ATP13A5: variants seen among roughly 807,000 people sequenced by gnomAD.
The protein encoded by ATP13A5 is probable cation-transporting ATPase 13A5.
A neutral mutation model predicts 150.2 loss-of-function variants in ATP13A5; 149 were observed. The ratio of observed to expected loss-of-function variants is 0.99; its 90% CI spans 0.87 to 1.14. The LOEUF is 1.14. Among genes scored for constraint, ATP13A5 ranks in the 50% most tolerant of loss-of-function variants. The pLI is 0.00. For synonymous variants in ATP13A5, 497 were observed against 522.2 expected, an observed-to-expected ratio of 0.95 and a Z score of 0.66; for missense variants, 1,383 against 1,449.3, an observed-to-expected ratio of 0.95 and a Z score of 0.74.
chr3:193,374,641 A>ACACACACG (rs1491219620), intron 1 of ATP13A5, among the ~76,000 whole-genome samples: 20 of 36,224 alleles, frequency 5.5e-4, no homozygotes, highest in African/African-American at 4.1e-3. Context: ...TAAGACCATG[A>ACACACACG]CACACACACA....
intron 10 of ATP13A5, 77 bp from the exon 11 acceptor site, chr3:193,333,984 T>G: frequency 7.2e-7 from 1 of 1,388,366 alleles, no homozygotes. Context: ...TTACTGTCTT[T>G]GAGGAAAAGA....
chr3:193,369,462 A>G (rs1276563604), intron 1 of ATP13A5, among the ~76,000 whole-genome samples: 1 of 152,116 alleles, frequency 6.6e-6, no homozygotes, highest in East Asian at 1.9e-4. Context: ...GTCACACAGT[A>G]TATGTATTTA....
intron 28 of ATP13A5, among the ~76,000 whole-genome samples, chr3:193,277,368 G>T (rs1411131037): frequency 1.3e-5 from 2 of 152,026 alleles, no homozygotes; most frequent in Admixed American, 6.6e-5. Context: ...AAATTTAAGG[G>T]TACACATTAA....
At chr3:193,276,016 C>T (rs1482825508) in intron 29 of ATP13A5, among the ~76,000 whole-genome samples, 3 of 152,092 alleles carry the variant, frequency 2.0e-5, no homozygotes, top group African/African-American at 7.2e-5. Context: ...TAATATTTTG[C>T]CACTGTAGAT....
intron 25 of ATP13A5, among the ~76,000 whole-genome samples, chr3:193,290,739 G>T (rs114048065): frequency 6.6e-6 from 1 of 152,056 alleles, no homozygotes; most frequent in African/African-American, 2.4e-5. Context: ...AATTTAAAGC[G>T]TTTGGAAATG....
intron 11 of ATP13A5, among the ~76,000 whole-genome samples, chr3:193,333,360 A>G (rs1560137410): frequency 6.6e-6 from 1 of 152,204 alleles, no homozygotes; most frequent in Non-Finnish European, 1.5e-5. Context: ...TCTCAGGACC[A>G]GAAAGGACCT....
chr3:193,310,800 C>A (rs117864725), intron 20 of ATP13A5, 83 bp from the exon 21 acceptor site: 1 of 991,226 alleles, frequency 1.0e-6, no homozygotes, highest in Non-Finnish European at 1.5e-6. Context: ...AAAAATCACT[C>A]CTGGTTACTA....
chr3:193,353,646 G>C (rs1712656153), intron 6 of ATP13A5, among the ~76,000 whole-genome samples: 1 of 152,154 alleles, frequency 6.6e-6, no homozygotes, highest in Non-Finnish European at 1.5e-5. Context: ...TAGTGTCCTT[G>C]TAGGAAGAGG....
At chr3:193,375,671 T>C (rs1713615772) in intron 1 of ATP13A5, among the ~76,000 whole-genome samples, 1 of 152,028 alleles carries the variant, frequency 6.6e-6, no homozygotes, top group Admixed American at 6.6e-5. Flanking sequence ...TTGGGTAAAA[T>C]GAAAACCTGT....
rs1711612852 is a variant in ATP13A5, at chr3:193,331,165, T to A, written c.1419A>T (p.Arg473Ser). Residue 473 changes from arginine to serine, a missense_variant, in exon 12 of 30, where the codon AGA becomes AGT. Arg to Ser is a moderately radical substitution (Grantham distance 110, BLOSUM62 -1). Around this residue, in one of 3 missense-constraint regions of ATP13A5, gnomAD observed 787 missense variants for 771.9 expected, o/e 1.02. Coordinates refer to ENST00000342358, the MANE Select transcript of ATP13A5 (RefSeq NM_198505.4). ...GGTTTATTTGCCCACACATGTTGAT[T>A]CTCTGTGGGGAGATACAGAAGATTT... ...KKKIFCISPQ[R>S]INMCGQINLV... 6.2e-7 allele frequency: 1 copy of A among 1,613,980 alleles called. No homozygotes were observed. Among genetic ancestry groups the A allele is most frequent in the Admixed American group, 1.7e-5 (1 of 59,998 alleles).
chr3:193,352,199 T>C (rs1194494258), intron 6 of ATP13A5, among the ~76,000 whole-genome samples: 1 of 152,260 alleles, frequency 6.6e-6, no homozygotes, highest in Non-Finnish European at 1.5e-5. Flanking sequence ...AGTTAGTACG[T>C]TGTATCTTAA....
At chr3:193,339,486 T>C (rs1712030256) in intron 9 of ATP13A5, among the ~76,000 whole-genome samples, 1 of 152,222 alleles carries the variant, frequency 6.6e-6, no homozygotes, top group South Asian at 2.1e-4. Context: ...ATGCCCAAGT[T>C]TCTCTATGAT....
intron 26 of ATP13A5, among the ~76,000 whole-genome samples, chr3:193,289,620 A>T (rs1397969140): frequency 6.6e-6 from 1 of 152,096 alleles, no homozygotes; most frequent in African/African-American, 2.4e-5. Context: ...TGGTCTATAA[A>T]ATAAACAGAA....
chr3:193,376,607 C>A (rs780963316), intron 1 of ATP13A5, among the ~76,000 whole-genome samples: 3 of 152,110 alleles, frequency 2.0e-5, no homozygotes, highest in Non-Finnish European at 2.9e-5. Context: ...TAAAAGTGTG[C>A]CATAGTGGTT....
intron 6 of ATP13A5, among the ~76,000 whole-genome samples, chr3:193,352,037 T>C (rs968955630): frequency 1.3e-5 from 2 of 152,236 alleles, no homozygotes; most frequent in Non-Finnish European, 2.9e-5. Flanking sequence ...GGATTATTTT[T>C]CTGAGAAAGT....
At position 193,344,071 on chromosome 3, in the gene ATP13A5, G is replaced by C. The variant is rs1205273527; in HGVS notation, c.815-16C>G. The C allele has an allele frequency of 6.2e-7, 1 of 1,609,636 alleles. No individual in the cohort carries two copies. Among genetic ancestry groups the C allele is most frequent in the Non-Finnish European group, 8.5e-7 (1 of 1,178,044 alleles). On this transcript the variant is annotated splice_polypyrimidine_tract_variant and intron_variant, in intron 8 of 29. Coordinates refer to ENST00000342358, the MANE Select transcript of ATP13A5 (RefSeq NM_198505.4). Reference sequence around the variant, plus strand: ...TCCTCCAAACCTACACCAAAGCAAAGTTTCCATGAATAGCTGACCTTTTCC... The same window carrying C: ...TCCTCCAAACCTACACCAAAGCAAACTTTCCATGAATAGCTGACCTTTTCC...
At chr3:193,341,977 C>T (rs6764344) in intron 9 of ATP13A5, among the ~76,000 whole-genome samples, 9,549 of 152,174 alleles carry the variant, frequency 0.063, 887 homozygotes, top group African/African-American at 0.21. Flanking sequence ...ATCTTTCTCA[C>T]GCCTATGGTC....
chr3:193,322,459 A>C (rs2108863665), intron 15 of ATP13A5, 32 bp downstream of exon 15: 7 of 1,482,646 alleles, frequency 4.7e-6, no homozygotes, highest in Non-Finnish European at 6.6e-6. Context: ...TTATGGGGAA[A>C]GAGCTATGTG....
chr3:193,332,659 C>A (rs559177833), intron 11 of ATP13A5, among the ~76,000 whole-genome samples: 1 of 152,278 alleles, frequency 6.6e-6, no homozygotes, highest in South Asian at 2.1e-4. Flanking sequence ...TTACTCCCTT[C>A]TTTTCCCAAC....
Sources: allele counts gnomAD v4.1 joint callset (sites outside exome capture counted in the v4.1 genomes callset), GRCh38; gene constraint gnomAD v4.1.1; regional missense constraint gnomAD v4.1.1; transcripts MANE v1.5; gene names NCBI Gene and HGNC (gene_info 2026-07-23, HGNC 2026-07-21).